Variants in CIROZ observed in about 807,000 individuals in gnomAD.
CIROZ encodes the protein ciliated left-right organizer protein containing ZP-N domains, also known as ciliated left-right organizer ZP-N domains-containing protein.
At chr1:10,974,585 A>G in the CIROZ span, among the ~76,000 whole-genome samples, 7,617 of 151,424 alleles carry the variant, frequency 0.05, 657 homozygotes, top group African/African-American at 0.17. This position sits in a 1 kb window ranked among gnomAD's most constrained non-coding sequence, Gnocchi z 4.4. Context: ...GCTAAATAAA[A>G]CTCTTCCCCT....
the CIROZ span, chr1:10,981,870 TG>T: frequency 9.8e-7 from 1 of 1,017,548 alleles, no homozygotes; most frequent in Non-Finnish European, 1.4e-6. Flanking sequence ...TCCATGCATC[TG>T]GGCCCCTCAC....
chr1:10,964,909 G>A, the CIROZ span, among the ~76,000 whole-genome samples: 1 of 152,218 alleles, frequency 6.6e-6, no homozygotes, highest in Admixed American at 6.5e-5. Context: ...GGGATTACAG[G>A]CGTGAGCCAC....
chr1:10,947,924 G>T, the CIROZ span: 1 of 1,613,826 alleles, frequency 6.2e-7, no homozygotes, highest in Non-Finnish European at 8.5e-7. Flanking sequence ...GCCAGCCAGG[G>T]GCTGACTCCA....
chr1:10,970,148 G>A, the CIROZ span: 71 of 1,405,306 alleles, frequency 5.1e-5, no homozygotes, highest in Middle Eastern at 7.4e-4. Flanking sequence ...AAGGAAGGAA[G>A]GAAGGAAGAA....
At chr1:10,972,968 T>C in the CIROZ span, among the ~76,000 whole-genome samples, 1 of 149,466 alleles carries the variant, frequency 6.7e-6, no homozygotes, top group East Asian at 2.0e-4. Flanking sequence ...AAAAAAAGAG[T>C]GTCTGTTTAC....
the CIROZ span, chr1:10,966,593 T>C: frequency 8.3e-7 from 1 of 1,204,926 alleles, no homozygotes; most frequent in Non-Finnish European, 1.1e-6. Context: ...GGAAGCTTCT[T>C]ACCTGGAAGG....
the CIROZ span, among the ~76,000 whole-genome samples, chr1:10,978,782 A>G: frequency 2.0e-5 from 3 of 152,306 alleles, no homozygotes; most frequent in Non-Finnish European, 1.5e-5. Flanking sequence ...GTCAGTGCAC[A>G]GCAAACAGTC....
At chr1:10,956,425 C>A in the CIROZ span, among the ~76,000 whole-genome samples, 1 of 152,034 alleles carries the variant, frequency 6.6e-6, no homozygotes, top group Non-Finnish European at 1.5e-5. Flanking sequence ...AGCTTAGGAG[C>A]TCCCAAGAAT....
the CIROZ span, among the ~76,000 whole-genome samples, chr1:10,952,907 T>A: frequency 3.3e-5 from 5 of 152,370 alleles, no homozygotes; most frequent in African/African-American, 1.2e-4. Flanking sequence ...AAGCCTTGCA[T>A]GGGGCCTCAT....
the CIROZ span, chr1:10,949,091 G>T: frequency 1.4e-3 from 501 of 353,244 alleles, 5 homozygotes; most frequent in African/African-American, 1.0e-2. Context: ...AGGTGTGGTG[G>T]CGTGGGCCTG....
the CIROZ span, chr1:10,970,132 G>A: frequency 3.4e-6 from 5 of 1,458,430 alleles, no homozygotes; most frequent in Admixed American, 4.7e-5. Context: ...GGGGAAGGGA[G>A]GGAGGAAGGA....
the CIROZ span, among the ~76,000 whole-genome samples, chr1:10,975,797 G>T: frequency 3.9e-4 from 59 of 152,156 alleles, 1 homozygote; most frequent in Non-Finnish European, 7.2e-4. Flanking sequence ...CACTCCTCTG[G>T]ACTTCGCGTC....
chr1:10,950,290 C>T, the CIROZ span, among the ~76,000 whole-genome samples: 1 of 152,102 alleles, frequency 6.6e-6, no homozygotes, highest in African/African-American at 2.4e-5. Flanking sequence ...CCGCCTTGGC[C>T]TGTTAAAGTG....
chr1:10,980,913 T>A, the CIROZ span, among the ~76,000 whole-genome samples: 2 of 152,186 alleles, frequency 1.3e-5, no homozygotes, highest in Non-Finnish European at 2.9e-5. Context: ...ACCTCCCCCT[T>A]GCTCGCCCAG....
At chr1:10,948,480 T>C in the CIROZ span, 1 of 1,613,900 alleles carries the variant, frequency 6.2e-7, no homozygotes, top group Non-Finnish European at 8.5e-7. Context: ...CTTGGCGGGG[T>C]CCTGTTCAGG....
At chr1:10,948,729 T>A in the CIROZ span, 2 of 1,557,478 alleles carry the variant, frequency 1.3e-6, no homozygotes, top group African/African-American at 2.7e-5. Context: ...GATCCCTGCT[T>A]CCCCTGGGGG....
At chr1:10,980,648 G>A in the CIROZ span, among the ~76,000 whole-genome samples, 1 of 152,226 alleles carries the variant, frequency 6.6e-6, no homozygotes, top group Non-Finnish European at 1.5e-5. Flanking sequence ...CTGTTACACA[G>A]GGAATGCTGT....
chr1:10,960,999 GC>G, the CIROZ span, among the ~76,000 whole-genome samples: 6 of 151,802 alleles, frequency 4.0e-5, no homozygotes, highest in African/African-American at 7.3e-5. The surrounding 1 kb of genome is among the most constrained non-coding windows in gnomAD (Gnocchi z 4.6). Context: ...CGGATGCAGA[GC>G]CCCCCCCACC....
chr1:10,974,837 T>A, the CIROZ span, among the ~76,000 whole-genome samples: 1 of 152,200 alleles, frequency 6.6e-6, no homozygotes, highest in South Asian at 2.1e-4. This position sits in a 1 kb window ranked among gnomAD's most constrained non-coding sequence, Gnocchi z 4.4. Flanking sequence ...CTGAGCTCTA[T>A]GGGTCCTTCT....
Sources: gnomAD v4.1 joint callset for allele counts (sites outside exome capture counted in the v4.1 genomes callset) on GRCh38, gnomAD v4.1.1 for gene constraint, Gnocchi (gnomAD v3.1) non-coding constraint, MANE v1.5 for transcripts, NCBI Gene and HGNC (gene_info 2026-07-23, HGNC 2026-07-21) for gene names.